SHROOM3: variants seen among roughly 807,000 people sequenced by gnomAD.
The protein encoded by SHROOM3 is protein Shroom3.
Under a neutral mutation model 138.6 loss-of-function variants are expected in SHROOM3, and 47 were observed. The observed-to-expected ratio is 0.34, with a 90% CI of 0.27 to 0.43. The LOEUF (loss-of-function observed/expected upper bound fraction) is 0.43. Among genes scored for constraint, SHROOM3 ranks in the 20% least tolerant of loss-of-function variants. The pLI is 1.00. For synonymous variants in SHROOM3, 1,062 were observed against 1,063.3 expected, an observed-to-expected ratio of 1.00 and a Z score of 0.02; for missense variants, 2,491 against 2,596.5, an observed-to-expected ratio of 0.96 and a Z score of 0.88.
Position 76,741,554 on chromosome 4 carries a change from G to T in SHROOM3, c.3381G>T (p.Ala1127=). 3.9e-6 allele frequency: 6 copies of T among 1,546,286 alleles called. No individual in the cohort carries two copies. The highest frequency in any genetic ancestry group is 1.9e-5 in the Admixed American group (1 of 52,932). ...CCTACCTCCAGCCCGGCCCCGCGGCGCTCGAAGGCTCCGGCCTCGCCTCGG... is the reference window on the plus strand; with the variant it reads ...CCTACCTCCAGCCCGGCCCCGCGGCTCTCGAAGGCTCCGGCCTCGCCTCGG... ...QSAYLQPGPA[A]LEGSGLASAS... is the part of the protein sequence containing the mutation. Residue 1127 remains alanine, a synonymous_variant, in exon 5 of 11, where the codon GCG becomes GCT. Coordinates refer to ENST00000296043, the MANE Select transcript of SHROOM3 (RefSeq NM_020859.4). The surrounding 1 kb of genome is among the most constrained non-coding windows in gnomAD (Gnocchi z 6.2).
chr4:76,775,179 C>T (rs1722509652), intron 10 of SHROOM3, among the ~76,000 whole-genome samples: 1 of 152,160 alleles, frequency 6.6e-6, no homozygotes, highest in Non-Finnish European at 1.5e-5. Context: ...AATAGCTTAG[C>T]ATCCACTTAA....
intron 1 of SHROOM3, among the ~76,000 whole-genome samples, chr4:76,525,588 T>C (rs1391325386): frequency 6.6e-6 from 1 of 152,230 alleles, no homozygotes. Context: ...CATCATTTCA[T>C]GCACTTATTT....
chr4:76,436,019 T>G lies in SHROOM3; in HGVS notation c.-34T>G. On this transcript the variant is annotated 5_prime_UTR_variant, in exon 1 of 11. Coordinates refer to ENST00000296043, the MANE Select transcript of SHROOM3 (RefSeq NM_020859.4). The stretch of plus-strand genomic sequence containing the variant: ...TGCTTGCCTGAGTTTGCTTCAGGCA[T>G]TTTAAATTTAACTTGAGGGATCATG... 1 of 1,612,238 alleles carries G rather than the reference T, an allele frequency of 6.2e-7. No individual in the cohort carries two copies.
chr4:76,692,412 G>A (rs1228761058), intron 2 of SHROOM3, among the ~76,000 whole-genome samples: 1 of 152,182 alleles, frequency 6.6e-6, no homozygotes, highest in Non-Finnish European at 1.5e-5. Flanking sequence ...ATGTTAATAA[G>A]CTAGTGCCAT....
intron 2 of SHROOM3, among the ~76,000 whole-genome samples, chr4:76,607,762 C>T (rs72868158): frequency 0.15 from 23,228 of 151,918 alleles, 1,933 homozygotes; most frequent in East Asian, 0.29. Flanking sequence ...TAAGTCACCA[C>T]GTGGGCATCA....
chr4:76,731,457 T>C (rs904685631), intron 4 of SHROOM3, among the ~76,000 whole-genome samples: 3 of 152,084 alleles, frequency 2.0e-5, no homozygotes, highest in African/African-American at 7.2e-5. Flanking sequence ...ACAGATACAG[T>C]AGTATTAACC....
intron 5 of SHROOM3, 93 bp downstream of exon 5, chr4:76,742,019 C>A: frequency 1.3e-6 from 2 of 1,482,380 alleles, no homozygotes; most frequent in Non-Finnish European, 1.8e-6. Flanking sequence ...CTCACCCGCT[C>A]TCCCAGTTCA....
At chr4:76,710,385 A>G (rs112949376) in intron 3 of SHROOM3, 98 bp downstream of exon 3, 14 of 1,447,818 alleles carry the variant, frequency 9.7e-6, no homozygotes, top group African/African-American at 5.6e-5. Context: ...AAGGATGGTC[A>G]GGATACAGGC....
rs116095411 is a variant in SHROOM3 at position 76,576,004 on chromosome 4, C to G, written c.323+20241C>G. Reference sequence around the variant, plus strand: ...ATCCAAAAGACAGGCAGTAACAAATCCTAGTGAGGATGTGGAGAAAAGGGA... The same window carrying G: ...ATCCAAAAGACAGGCAGTAACAAATGCTAGTGAGGATGTGGAGAAAAGGGA... On this transcript the variant is annotated intron_variant, in intron 2 of 10. Coordinates refer to ENST00000296043, the MANE Select transcript of SHROOM3 (RefSeq NM_020859.4). Among the ~76,000 whole-genome samples the G allele has an allele frequency of 6.0e-3, 920 of 152,182 alleles. 14 individuals are homozygous for G. The highest frequency in any genetic ancestry group is 0.021 in the African/African-American group (869 of 41,530).
At chr4:76,485,223 G>T (rs1228981263) in intron 1 of SHROOM3, among the ~76,000 whole-genome samples, 1 of 152,062 alleles carries the variant, frequency 6.6e-6, no homozygotes. Flanking sequence ...AAATAACCTG[G>T]ACTCTGGGTA....
At chr4:76,760,335 A>T (rs965459609) in intron 9 of SHROOM3, among the ~76,000 whole-genome samples, 1 of 152,178 alleles carries the variant, frequency 6.6e-6, no homozygotes, top group African/African-American at 2.4e-5. Flanking sequence ...CATGCCATGG[A>T]GATCTAAACT....
chr4:76,721,816 A>G (rs1038808507), intron 3 of SHROOM3, among the ~76,000 whole-genome samples: 9 of 152,212 alleles, frequency 5.9e-5, no homozygotes, highest in African/African-American at 2.2e-4. Context: ...TAAGAAATTA[A>G]CTACAGTGGT....
At chr4:76,547,932 A>AACACACACACACAC (rs57089323) in intron 1 of SHROOM3, among the ~76,000 whole-genome samples, 10,306 of 146,046 alleles carry the variant, frequency 0.071, 512 homozygotes, top group East Asian at 0.22. Context: ...CCTGTCTCAA[A>AACACACACACACAC]ACACACACAC....
intron 2 of SHROOM3, among the ~76,000 whole-genome samples, chr4:76,661,482 G>A (rs556286345): frequency 2.0e-5 from 3 of 151,930 alleles, no homozygotes; most frequent in East Asian, 2.0e-4. Context: ...CGCCCACCTC[G>A]GCCTCCCAAA....
intron 5 of SHROOM3, among the ~76,000 whole-genome samples, chr4:76,743,426 C>T (rs138093479): frequency 1.3e-5 from 2 of 152,302 alleles, no homozygotes; most frequent in Non-Finnish European, 2.9e-5. Context: ...GAAATCAGTT[C>T]CTCTGTATGT....
At chr4:76,551,167 G>A (rs928539107) in intron 1 of SHROOM3, among the ~76,000 whole-genome samples, 2 of 151,840 alleles carry the variant, frequency 1.3e-5, no homozygotes, top group Non-Finnish European at 2.9e-5. Flanking sequence ...CACCACATCC[G>A]GCTAATTCTA....
intron 2 of SHROOM3, among the ~76,000 whole-genome samples, chr4:76,585,346 A>G (rs991308207): frequency 6.6e-6 from 1 of 152,208 alleles, no homozygotes; most frequent in African/African-American, 2.4e-5. Context: ...TCTAAGGAAA[A>G]TACATTTACA....
At chr4:76,720,795 A>G (rs1439675349) in intron 3 of SHROOM3, among the ~76,000 whole-genome samples, 1 of 151,474 alleles carries the variant, frequency 6.6e-6, no homozygotes, top group Non-Finnish European at 1.5e-5. Context: ...TATTTTTACT[A>G]GAGACGGGGT....
intron 3 of SHROOM3, among the ~76,000 whole-genome samples, chr4:76,726,604 C>T (rs908920676): frequency 2.7e-5 from 4 of 149,116 alleles, no homozygotes; most frequent in Admixed American, 2.0e-4. Flanking sequence ...TGCAGTGGCA[C>T]ACAGTCATTG....
Sources: gnomAD v4.1 joint callset for allele counts (sites outside exome capture counted in the v4.1 genomes callset) on GRCh38, gnomAD v4.1.1 for gene constraint, Gnocchi (gnomAD v3.1) non-coding constraint, MANE v1.5 for transcripts, NCBI Gene and HGNC (gene_info 2026-07-23, HGNC 2026-07-21) for gene names.